Variants in NPAS3 observed in about 807,000 individuals in gnomAD.
The protein encoded by NPAS3 is neuronal PAS domain protein 3.
A neutral mutation model predicts 73.1 loss-of-function variants in NPAS3; 14 were observed. That is an observed-to-expected ratio of 0.19 (90% confidence interval 0.13 to 0.30). NPAS3 has a LOEUF of 0.30. Ranked by LOEUF, NPAS3 falls within the 10% of genes least tolerant of loss-of-function variation. The pLI, the probability that NPAS3 is intolerant of heterozygous loss-of-function variation, is 1.00. For synonymous variants in NPAS3, 620 were observed against 541.5 expected, an observed-to-expected ratio of 1.14 and a Z score of -2.01; for missense variants, 1,096 against 1,250.0, an observed-to-expected ratio of 0.88 and a Z score of 1.86.
chr14:33,523,839 C>A (rs1350988744), intron 4 of NPAS3, among the ~76,000 whole-genome samples: 1 of 151,714 alleles, frequency 6.6e-6, no homozygotes, highest in Non-Finnish European at 1.5e-5. Context: ...CTACAAAGAA[C>A]CAGATCAGTG....
At chr14:33,312,271 C>T (rs989502074) in intron 3 of NPAS3, among the ~76,000 whole-genome samples, 1 of 151,978 alleles carries the variant, frequency 6.6e-6, no homozygotes, top group Non-Finnish European at 1.5e-5. Context: ...ATTGGTCCTT[C>T]GAGTTATCTT....
At chr14:33,502,225 TTC>T (rs2052551543) in intron 4 of NPAS3, among the ~76,000 whole-genome samples, 1 of 151,886 alleles carries the variant, frequency 6.6e-6, no homozygotes. Flanking sequence ...ACCTCTTTTT[TTC>T]TGTTTCTAGC....
intron 4 of NPAS3, among the ~76,000 whole-genome samples, chr14:33,492,889 A>G (rs1027300614): frequency 2.2e-4 from 33 of 152,148 alleles, no homozygotes; most frequent in Non-Finnish European, 3.7e-4. Context: ...GACCTTTTTG[A>G]GGAGAATGTC....
intron 3 of NPAS3, among the ~76,000 whole-genome samples, chr14:33,250,716 T>A (rs145262858): frequency 7.8e-4 from 119 of 152,210 alleles, no homozygotes; most frequent in African/African-American, 2.5e-3. Flanking sequence ...TTTTTTTCCT[T>A]CCTCTTTTGT....
At chr14:32,972,188 TC>T (rs1566417975) in intron 1 of NPAS3, among the ~76,000 whole-genome samples, 1 of 152,082 alleles carries the variant, frequency 6.6e-6, no homozygotes, top group Non-Finnish European at 1.5e-5. Context: ...TCTGCCCACC[TC>T]AGCCTCCCAA....
intron 7 of NPAS3, among the ~76,000 whole-genome samples, chr14:33,757,073 A>T (rs190474327): frequency 1.2e-3 from 187 of 152,342 alleles, no homozygotes; most frequent in Non-Finnish European, 2.0e-3. Flanking sequence ...CACAAGGCAG[A>T]TTCAGGAGAT....
At chr14:33,786,411 G>A (rs1403691721) in intron 9 of NPAS3, among the ~76,000 whole-genome samples, 1 of 152,170 alleles carries the variant, frequency 6.6e-6, no homozygotes, top group Non-Finnish European at 1.5e-5. Flanking sequence ...GTTTAGTGGA[G>A]TTAACAAAAT....
At chr14:32,946,037 C>T (rs949646820) in intron 1 of NPAS3, among the ~76,000 whole-genome samples, 1 of 152,058 alleles carries the variant, frequency 6.6e-6, no homozygotes, top group African/African-American at 2.4e-5. Flanking sequence ...GATAGTTTTG[C>T]CACTGGTTGT....
intron 3 of NPAS3, among the ~76,000 whole-genome samples, chr14:33,359,897 G>C (rs954954490): frequency 3.3e-5 from 5 of 152,202 alleles, no homozygotes; most frequent in Non-Finnish European, 5.9e-5. Flanking sequence ...TAGGTGTTTT[G>C]TAGAGGAAAG....
At chr14:33,425,050 G>T (rs1391260465) in intron 4 of NPAS3, among the ~76,000 whole-genome samples, 2 of 152,008 alleles carry the variant, frequency 1.3e-5, no homozygotes, top group Non-Finnish European at 2.9e-5. Context: ...CAGTGCCATG[G>T]AAGCCAAGAG....
At chr14:33,183,648 T>C (rs1008230133) in intron 2 of NPAS3, among the ~76,000 whole-genome samples, 1 of 151,882 alleles carries the variant, frequency 6.6e-6, no homozygotes, top group African/African-American at 2.4e-5. Context: ...TCTCTTCCAC[T>C]TCCCTGGTAA....
intron 4 of NPAS3, among the ~76,000 whole-genome samples, chr14:33,545,330 C>A (rs2054791101): frequency 6.6e-6 from 1 of 152,128 alleles, no homozygotes; most frequent in Non-Finnish European, 1.5e-5. Flanking sequence ...TACTAGCAGA[C>A]ATTCTTCCTA....
At chr14:33,561,873 C>A (rs2055666357) in intron 5 of NPAS3, among the ~76,000 whole-genome samples, 1 of 152,202 alleles carries the variant, frequency 6.6e-6, no homozygotes, top group Non-Finnish European at 1.5e-5. Context: ...TACAGCCCTG[C>A]TTAGTGGTGT....
At chr14:33,003,232 T>G (rs1419985894) in intron 1 of NPAS3, among the ~76,000 whole-genome samples, 5 of 151,998 alleles carry the variant, frequency 3.3e-5, no homozygotes, top group Non-Finnish European at 7.4e-5. Context: ...TCAATTATGC[T>G]AAAAACTAAT....
intron 1 of NPAS3, among the ~76,000 whole-genome samples, chr14:32,971,391 T>C (rs889860909): frequency 6.6e-6 from 1 of 152,120 alleles, no homozygotes; most frequent in Non-Finnish European, 1.5e-5. Flanking sequence ...GGCCTGTGTT[T>C]TTCTTTATAG....
At chr14:33,394,630 A>G (rs1490525401) in intron 4 of NPAS3, among the ~76,000 whole-genome samples, 1 of 152,174 alleles carries the variant, frequency 6.6e-6, no homozygotes, top group Non-Finnish European at 1.5e-5. Context: ...TCATGTTAGC[A>G]GGATCTACAT....
At chr14:33,034,929 CTTA>C (rs1283692636) in intron 1 of NPAS3, among the ~76,000 whole-genome samples, 2 of 152,216 alleles carry the variant, frequency 1.3e-5, no homozygotes, top group African/African-American at 2.4e-5. Flanking sequence ...GTTAAGACAA[CTTA>C]TTATTTTCTT....
At chr14:33,263,550 G>A (rs1183192646) in intron 3 of NPAS3, among the ~76,000 whole-genome samples, 1 of 152,164 alleles carries the variant, frequency 6.6e-6, no homozygotes, top group Non-Finnish European at 1.5e-5. Context: ...AAGTCAGGTA[G>A]CGTGATGCCT....
chr14:33,056,140 A>G (rs1595346510), intron 2 of NPAS3, 146 bp downstream of exon 2: 1 of 538,054 alleles, frequency 1.9e-6, no homozygotes, highest in East Asian at 3.0e-5. Context: ...AAACCAACAA[A>G]CCAAACCAAA....
Sources: gnomAD v4.1 joint callset for allele counts (sites outside exome capture counted in the v4.1 genomes callset) on GRCh38, gnomAD v4.1.1 for gene constraint, MANE v1.5 for transcripts, NCBI Gene and HGNC (gene_info 2026-07-23, HGNC 2026-07-21) for gene names.